Variants in ANKRD42 observed in about 807,000 individuals in gnomAD.
ANKRD42 encodes ankyrin repeat domain-containing protein 42.
Under a neutral mutation model 51.5 loss-of-function variants are expected in ANKRD42, and 43 were observed. That is an observed-to-expected ratio of 0.83 (90% confidence interval 0.65 to 1.08). The LOEUF (loss-of-function observed/expected upper bound fraction) is 1.08, where lower values mean the gene tolerates loss of function less well. Among genes scored for constraint, ANKRD42 ranks in the 50% least tolerant of loss-of-function variants. The pLI, the probability that ANKRD42 is intolerant of heterozygous loss-of-function variation, is 0.00. For missense variants in ANKRD42, 608 were observed against 629.3 expected (o/e 0.97, Z 0.36); for synonymous variants, 203 against 213.0 (o/e 0.95, Z 0.41).
rs767246255 is a variant in ANKRD42 at position 83,236,499 on chromosome 11, G to C, written c.1009G>C (p.Val337Leu). 6.2e-7 allele frequency: 1 copy of C among 1,608,662 alleles called. No individual in the cohort carries two copies. The highest frequency in any genetic ancestry group is 1.7e-5 in the Admixed American group (1 of 59,202). Residue 337 changes from valine (V) to leucine (L), a missense_variant, in exon 8 of 11, where the codon GTG (valine) becomes CTG (leucine). Transcript: ENST00000533342. ...TNKAGERPSD[V>L]AKRFAHLAAV... ...CAAAGCAGGGGAGAGACCCAGTGAT[G>C]TGGCAAAGAGGTATAAATCTCTGTC...
At chr11:83,260,056 G>C (rs910648431), downstream of ANKRD42, 2 of 152,242 alleles carry the variant, frequency 1.3e-5, no homozygotes, top group Non-Finnish European at 2.9e-5. Context: ...TCTCCTTCCA[G>C]ATTTACAATT....
chr11:83,224,914 A>G lies in ANKRD42; in HGVS notation c.646A>G (p.Ser216Gly). The change falls in exon 6 of 11, where the codon AGC becomes GGC. Residue 216 changes from serine to glycine, a missense_variant. Transcript: ENST00000533342. ...TTTCAAATTCCTAGTCAGTAGAATG[A>G]GCAGTGCGACGCAAGTTTTAAAAGC... ...HCFKFLVSRM[S>G]SATQVLKAFN... 6.2e-7 allele frequency: 1 copy of G among 1,611,822 alleles called. No homozygotes were observed. Among genetic ancestry groups the G allele is most frequent in the Non-Finnish European group, 8.5e-7 (1 of 1,178,400 alleles).
At chr11:83,254,119 C>G (rs1863721271) in intron 11 of ANKRD42, among the ~76,000 whole-genome samples, 2 of 151,870 alleles carry the variant, frequency 1.3e-5, no homozygotes, top group South Asian at 4.1e-4. Context: ...GGACTACAGG[C>G]ATGAGCCACC....
chr11:83,263,446 T>C (rs1864049347), downstream of ANKRD42, among the ~76,000 whole-genome samples: 1 of 152,234 alleles, frequency 6.6e-6, no homozygotes, highest in South Asian at 2.1e-4. Context: ...CTCTATACCC[T>C]GTCTAGGGAG....
At chr11:83,230,462 A>G (rs1315771317) in intron 7 of ANKRD42, among the ~76,000 whole-genome samples, 5 of 152,182 alleles carry the variant, frequency 3.3e-5, no homozygotes, top group South Asian at 2.1e-4. Flanking sequence ...CGTGAGATCA[A>G]TTGTTTTGAT....
downstream of ANKRD42, chr11:83,261,773 C>G: frequency 1.7e-6 from 1 of 602,600 alleles, no homozygotes; most frequent in South Asian, 2.4e-5. Flanking sequence ...CATTCTAAAA[C>G]ACTTCCTCTT....
At chr11:83,245,442 T>G in intron 9 of ANKRD42, 56 bp from the exon 10 acceptor site, 1 of 1,509,310 alleles carries the variant, frequency 6.6e-7, no homozygotes, top group Non-Finnish European at 8.8e-7. Context: ...CAGCACCCAG[T>G]GGACACATGA....
chr11:83,207,600 T>C (rs1235085919), intron 3 of ANKRD42, among the ~76,000 whole-genome samples: 1 of 152,208 alleles, frequency 6.6e-6, no homozygotes, highest in East Asian at 1.9e-4. Flanking sequence ...AAAATAATGA[T>C]TGTCATTCAT....
At chr11:83,250,634 C>T (rs889708542), downstream of ANKRD42, among the ~76,000 whole-genome samples, 1 of 152,076 alleles carries the variant, frequency 6.6e-6, no homozygotes, top group African/African-American at 2.4e-5. Context: ...TCCCACTGCT[C>T]GTCAACTGGA....
intron 5 of ANKRD42, chr11:83,213,284 T>A: frequency 6.3e-7 from 1 of 1,594,206 alleles, no homozygotes; most frequent in Non-Finnish European, 8.5e-7. Context: ...GTGCAACAGA[T>A]CTTACTGTGC....
chr11:83,222,902 G>C (rs61900278), intron 5 of ANKRD42, among the ~76,000 whole-genome samples: 3,627 of 152,210 alleles, frequency 0.024, 88 homozygotes, highest in South Asian at 0.072. Context: ...ACCATGCCCA[G>C]CTTTATTGGA....
intron 5 of ANKRD42, among the ~76,000 whole-genome samples, chr11:83,221,523 G>A (rs1292385033): frequency 6.6e-6 from 1 of 151,968 alleles, no homozygotes; most frequent in Non-Finnish European, 1.5e-5. Context: ...GTTTTTATGG[G>A]GTATGTTTGT....
At chr11:83,228,638 G>T (rs1862971851) in intron 7 of ANKRD42, among the ~76,000 whole-genome samples, 1 of 152,148 alleles carries the variant, frequency 6.6e-6, no homozygotes, top group Non-Finnish European at 1.5e-5. Context: ...GCAGTCCTCA[G>T]ATCATATATT....
intron 9 of ANKRD42, among the ~76,000 whole-genome samples, chr11:83,242,567 G>GTTTTTTTTTTTTTTTTTTTTTT (rs539259244): frequency 4.3e-5 from 5 of 115,544 alleles, no homozygotes; most frequent in East Asian, 2.5e-4. Context: ...TGGTAGTTAA[G>GTTTTTTTTTTTTTTTTTTTTTT]TTTTTTTTTT....
intron 8 of ANKRD42, among the ~76,000 whole-genome samples, chr11:83,238,326 G>T (rs1863282447): frequency 6.6e-6 from 1 of 152,244 alleles, no homozygotes; most frequent in African/African-American, 2.4e-5. Flanking sequence ...GAGTAGGATT[G>T]TTGGGCCATA....
chr11:83,212,877 C>T, intron 5 of ANKRD42: 6 of 1,430,140 alleles, frequency 4.2e-6, no homozygotes, highest in Non-Finnish European at 4.6e-6. Context: ...ATTTTGTTCT[C>T]ATTCTTTTTA....
Position 83,193,721 on chromosome 11 carries a change from C to T in ANKRD42, c.-950C>T, listed in dbSNP as rs1467529116. 1 of 394,310 alleles carries T rather than the reference C, an allele frequency of 2.5e-6. No individual in the cohort carries two copies. Among genetic ancestry groups the T allele is most frequent in the Admixed American group, 3.3e-5 (1 of 30,570 alleles). The allele number at this position is 394,310 out of a possible 1,614,324, so 24.4% of individuals were successfully genotyped here. A position where few individuals can be genotyped will look rare whatever the true frequency, so the allele number is the denominator to read the frequency against. The stretch of plus-strand genomic sequence containing the variant: ...AGCACGTCGGAAGTGTACTCGTTTC[C>T]AAGGCGACGGCCCTGCTGCCTCTCC... On this transcript the variant is annotated 5_prime_UTR_variant, in exon 1 of 11. Transcript: ENST00000533342.
chr11:83,197,661 C>T (rs1056050412), intron 1 of ANKRD42, among the ~76,000 whole-genome samples: 2 of 152,144 alleles, frequency 1.3e-5, no homozygotes, highest in African/African-American at 4.8e-5. Context: ...CTGCTTACTC[C>T]TTCATTCTTC....
At chr11:83,256,086 G>T in exon 12 of ANKRD42, 1 of 546,056 alleles carries the variant, frequency 1.8e-6, no homozygotes, top group South Asian at 2.9e-5. Context: ...GAGATTTAGA[G>T]ATTTTTTAAA....
Sources: allele counts gnomAD v4.1 joint callset (sites outside exome capture counted in the v4.1 genomes callset), GRCh38; gene constraint gnomAD v4.1.1; transcripts MANE v1.5; gene names NCBI Gene and HGNC (gene_info 2026-07-23, HGNC 2026-07-21).